Variants in MARCHF10 observed in about 807,000 individuals in gnomAD.
MARCHF10 encodes probable E3 ubiquitin-protein ligase MARCHF10.
Under a neutral mutation model 76.2 loss-of-function variants are expected in MARCHF10, and 64 were observed. The observed-to-expected ratio is 0.84, with a 90% confidence interval of 0.69 to 1.03. The LOEUF (loss-of-function observed/expected upper bound fraction) is 1.03, where lower values mean the gene tolerates loss of function less well. MARCHF10 is among the 50% of genes least tolerant of loss of function. The pLI is 0.00. For missense variants in MARCHF10, 875 were observed against 958.0 expected (o/e 0.91, Z 1.14); for synonymous variants, 340 against 357.5 (o/e 0.95, Z 0.55).
At chr17:62,734,157 C>G (rs1223397350) in intron 6 of MARCHF10, among the ~76,000 whole-genome samples, 3 of 151,936 alleles carry the variant, frequency 2.0e-5, no homozygotes, top group African/African-American at 7.3e-5. Flanking sequence ...GCGCTCCAGC[C>G]TGGGAGACAG....
At chr17:62,754,237 T>C (rs191215320) in intron 4 of MARCHF10, among the ~76,000 whole-genome samples, 42 of 152,262 alleles carry the variant, frequency 2.8e-4, no homozygotes, top group African/African-American at 9.9e-4. Context: ...CACACTCAGC[T>C]AATTTTTGTA....
intron 8 of MARCHF10, among the ~76,000 whole-genome samples, chr17:62,722,205 C>A (rs868300380): frequency 6.7e-6 from 1 of 149,048 alleles, no homozygotes; most frequent in Non-Finnish European, 1.5e-5. Context: ...ATCGCTTGAA[C>A]CTGTGAGGCA....
intron 3 of MARCHF10, among the ~76,000 whole-genome samples, chr17:62,767,476 A>C (rs1597963576): frequency 8.9e-6 from 1 of 111,866 alleles, no homozygotes; most frequent in African/African-American, 3.2e-5. Flanking sequence ...TTTGAGATGG[A>C]GTCTCCCTCT....
At chr17:62,730,121 G>T (rs1410293719) in intron 6 of MARCHF10, among the ~76,000 whole-genome samples, 1 of 111,006 alleles carries the variant, frequency 9.0e-6, no homozygotes, top group African/African-American at 2.9e-5. Flanking sequence ...GAGTGGTGGA[G>T]GTTGCAGTGA....
intron 2 of MARCHF10, among the ~76,000 whole-genome samples, chr17:62,795,484 T>C (rs996553768): frequency 8.6e-5 from 13 of 151,890 alleles, no homozygotes; most frequent in Admixed American, 7.2e-4. Flanking sequence ...GCATGCAATA[T>C]GCCAAATAGA....
chr17:62,769,509 G>T (rs1164312074), intron 3 of MARCHF10, among the ~76,000 whole-genome samples: 1 of 152,076 alleles, frequency 6.6e-6, no homozygotes, highest in Non-Finnish European at 1.5e-5. Context: ...CCTCCGCCCT[G>T]CAGGTTCAAT....
At chr17:62,741,142 T>C (rs140963741) in intron 5 of MARCHF10, among the ~76,000 whole-genome samples, 71 of 152,338 alleles carry the variant, frequency 4.7e-4, no homozygotes, top group South Asian at 4.3e-3. Flanking sequence ...TTATGAGCAT[T>C]ATGCCATGCC....
chr17:62,716,217 A>G (rs577491946), intron 8 of MARCHF10, among the ~76,000 whole-genome samples: 1 of 152,320 alleles, frequency 6.6e-6, no homozygotes, highest in Non-Finnish European at 1.5e-5. Context: ...GCTGGTCGGT[A>G]GGGCCCTGCG....
intron 1 of MARCHF10, among the ~76,000 whole-genome samples, chr17:62,805,984 ACT>A (rs1316707704): frequency 6.6e-6 from 1 of 151,944 alleles, no homozygotes; most frequent in African/African-American, 2.4e-5. Context: ...CTTCCCATAA[ACT>A]CTCTATTACA....
chr17:62,790,393 C>G (rs1477190496), intron 2 of MARCHF10, among the ~76,000 whole-genome samples: 1 of 152,178 alleles, frequency 6.6e-6, no homozygotes, highest in East Asian at 1.9e-4. Flanking sequence ...CCAGGCTGGT[C>G]TTGAACTCCT....
At chr17:62,802,245 A>C (rs2148216443) in intron 1 of MARCHF10, among the ~76,000 whole-genome samples, 1 of 152,114 alleles carries the variant, frequency 6.6e-6, no homozygotes, top group South Asian at 2.1e-4. Context: ...TCTGAGACGG[A>C]GTTTTGCATT....
chr17:62,761,517 G>A (rs2092202141), intron 3 of MARCHF10, among the ~76,000 whole-genome samples: 2 of 152,044 alleles, frequency 1.3e-5, no homozygotes, highest in Admixed American at 1.3e-4. Context: ...CGCCTCTCGG[G>A]TTCAAGCAAT....
intron 2 of MARCHF10, among the ~76,000 whole-genome samples, chr17:62,800,649 C>A (rs2093056095): frequency 6.6e-6 from 1 of 152,132 alleles, no homozygotes; most frequent in Non-Finnish European, 1.5e-5. Context: ...GTGTTTTCCT[C>A]AGGGAAGGAG....
intron 4 of MARCHF10, among the ~76,000 whole-genome samples, chr17:62,747,628 T>C (rs2091751244): frequency 6.6e-6 from 1 of 152,208 alleles, no homozygotes. Flanking sequence ...AGCTGCTTCT[T>C]CTACTGTAAA....
rs1039463143 is a variant in MARCHF10 at position 62,705,269 on chromosome 17, T to C, written c.2371+270A>G. The C allele has an allele frequency of 2.7e-5, 38 of 1,405,660 alleles. No homozygotes were observed. The African/African-American group carries it at 3.3e-4, about 12-fold the overall frequency. The allele number at this position is 1,405,660 out of a possible 1,614,324, so 87.1% of individuals were successfully genotyped here. On this transcript the variant is annotated intron_variant, in intron 10 of 10. Coordinates refer to ENST00000311269, the MANE Select transcript of MARCHF10 (RefSeq NM_152598.4). ...CAGCAAGGAAAAGGAACAAATCTTA[T>C]CTCATGCCGGAAGATAACCTCTTCC...
At chr17:62,737,483 G>A (rs2091326008) in intron 5 of MARCHF10, 151 bp from the exon 6 acceptor site, 7 of 715,842 alleles carry the variant, frequency 9.8e-6, no homozygotes, top group African/African-American at 1.8e-5. Context: ...GGTACAAGAG[G>A]AGCAGAGCCC....
rs375987157 is a variant in MARCHF10 at position 62,733,665 on chromosome 17, AAAC to A, written c.1937+2263_1937+2265del. Among the ~76,000 whole-genome samples the A allele has an allele frequency of 9.2e-5, 14 of 152,350 alleles. No individual in the cohort carries two copies. In the East Asian group the frequency reaches 2.7e-3, roughly 29 times the overall value. On this transcript the variant is annotated intron_variant, in intron 6 of 10. Transcript: ENST00000311269. The stretch of plus-strand genomic sequence containing the variant: ...ATGTTCATGCAGCGCCATTTGCAGC[AAAC>A]AATAAAGGACACGAATGTCCATTGA...
chr17:62,729,129 G>A (rs2090901116), intron 6 of MARCHF10, among the ~76,000 whole-genome samples: 2 of 151,766 alleles, frequency 1.3e-5, no homozygotes, highest in South Asian at 4.2e-4. Context: ...TTTTTGTAGA[G>A]ACGGGGTTTT....
At chr17:62,751,975 G>A (rs773513359) in intron 4 of MARCHF10, among the ~76,000 whole-genome samples, 183 of 151,604 alleles carry the variant, frequency 1.2e-3, no homozygotes, top group Non-Finnish European at 2.0e-3. Flanking sequence ...AGCCGCGATC[G>A]GGCTATTGCA....
Sources: gnomAD v4.1 joint callset for allele counts (sites outside exome capture counted in the v4.1 genomes callset) on GRCh38, gnomAD v4.1.1 for gene constraint, MANE v1.5 for transcripts, NCBI Gene and HGNC (gene_info 2026-07-23, HGNC 2026-07-21) for gene names.